Variants in PDE4D observed in about 807,000 individuals in gnomAD.
The protein encoded by PDE4D is 3',5'-cyclic-AMP phosphodiesterase 4D.
PDE4D carries 24 observed loss-of-function variants against 87.4 expected under a neutral mutation model. That is an observed-to-expected ratio of 0.27 (90% CI 0.20 to 0.39). The LOEUF (loss-of-function observed/expected upper bound fraction) is 0.39. Ranked by LOEUF, PDE4D falls within the 10% of genes least tolerant of loss-of-function variation. The pLI is 1.00. For synonymous variants in PDE4D, 384 were observed against 383.2 expected (o/e 1.00, Z -0.02); for missense variants, 714 against 1,041.0 (o/e 0.69, Z 4.32).
At chr5:59,120,185 A>G (rs989776220) in intron 5 of PDE4D, among the ~76,000 whole-genome samples, 2 of 152,204 alleles carry the variant, frequency 1.3e-5, no homozygotes, top group Non-Finnish European at 2.9e-5. Context: ...TTAAAAATGC[A>G]AATTGAAATC....
At chr5:59,696,348 TG>T (rs1751774975) in intron 1 of PDE4D, among the ~76,000 whole-genome samples, 1 of 152,204 alleles carries the variant, frequency 6.6e-6, no homozygotes, top group African/African-American at 2.4e-5. Context: ...CTACTATAAT[TG>T]GGCACTTATT....
At chr5:59,226,736 C>A (rs771148568) in intron 1 of PDE4D, among the ~76,000 whole-genome samples, 1 of 152,006 alleles carries the variant, frequency 6.6e-6, no homozygotes, top group African/African-American at 2.4e-5. Flanking sequence ...TGAGGCAAAG[C>A]CTGCAGTAGC....
intron 2 of PDE4D, among the ~76,000 whole-genome samples, chr5:60,023,554 C>G (rs1248425074): frequency 6.6e-6 from 1 of 152,150 alleles, no homozygotes; most frequent in Non-Finnish European, 1.5e-5. Flanking sequence ...ATCAATCACC[C>G]TGATGCTCCT....
intron 1 of PDE4D, among the ~76,000 whole-genome samples, chr5:60,482,874 A>G (rs1748842077): frequency 6.6e-6 from 1 of 152,200 alleles, no homozygotes; most frequent in African/African-American, 2.4e-5. Flanking sequence ...ATTAAATATC[A>G]TGTTTGTAGA....
At chr5:59,714,045 C>T (rs1754622088) in intron 1 of PDE4D, among the ~76,000 whole-genome samples, 1 of 152,080 alleles carries the variant, frequency 6.6e-6, no homozygotes, top group Non-Finnish European at 1.5e-5. Flanking sequence ...AGGCCTGGGT[C>T]CGTCATCTCA....
At chr5:59,302,846 C>T (rs970366619) in intron 1 of PDE4D, among the ~76,000 whole-genome samples, 1 of 152,126 alleles carries the variant, frequency 6.6e-6, no homozygotes, top group Non-Finnish European at 1.5e-5. Context: ...TATAAACATA[C>T]GTGTACAAGT....
intron 1 of PDE4D, among the ~76,000 whole-genome samples, chr5:59,869,710 C>T (rs1011037789): frequency 1.3e-5 from 2 of 152,094 alleles, no homozygotes; most frequent in African/African-American, 2.4e-5. Context: ...TAGTCCTTGA[C>T]CTCAATCAGC....
At chr5:59,392,939 G>A (rs985570451) in intron 1 of PDE4D, among the ~76,000 whole-genome samples, 2 of 152,094 alleles carry the variant, frequency 1.3e-5, no homozygotes, top group Non-Finnish European at 2.9e-5. Flanking sequence ...GAATGGATGA[G>A]GACCTATGTG....
At chr5:59,293,816 T>C (rs770496133) in intron 1 of PDE4D, among the ~76,000 whole-genome samples, 14 of 152,130 alleles carry the variant, frequency 9.2e-5, no homozygotes, top group Non-Finnish European at 1.8e-4. Context: ...CCTGACCCCA[T>C]GGGAGTCACA....
chr5:60,352,956 T>G (rs929515227), intron 1 of PDE4D, among the ~76,000 whole-genome samples: 1 of 152,210 alleles, frequency 6.6e-6, no homozygotes, highest in African/African-American at 2.4e-5. Context: ...TGTGTTCCAA[T>G]GGGATATTGA....
intron 1 of PDE4D, among the ~76,000 whole-genome samples, chr5:59,660,977 A>G (rs1165034144): frequency 1.3e-5 from 2 of 151,354 alleles, no homozygotes; most frequent in Non-Finnish European, 2.9e-5. Flanking sequence ...AGTCTATTTT[A>G]TGGCTAATGC....
At chr5:59,713,059 T>C (rs781584652) in intron 1 of PDE4D, among the ~76,000 whole-genome samples, 2 of 152,174 alleles carry the variant, frequency 1.3e-5, no homozygotes, top group Non-Finnish European at 2.9e-5. Flanking sequence ...TTTTAGGAAT[T>C]TGACAGCATT....
Position 60,059,227 on chromosome 5 carries a change from G to C in PDE4D, c.43-70510C>G, listed in dbSNP as rs189369993. On this transcript the variant is annotated intron_variant, in intron 2 of 16. Transcript: ENST00000502484. Reference sequence around the variant, plus strand: ...GCACCAGAGAACACTGTTGGCAGCTGTCTGTGATCTTTCCACTTCCCAGTT... The same window carrying C: ...GCACCAGAGAACACTGTTGGCAGCTCTCTGTGATCTTTCCACTTCCCAGTT... Among the ~76,000 whole-genome samples the C allele has an allele frequency of 1.3e-5, 2 of 152,086 alleles. 1 individual carries two copies. The highest frequency in any genetic ancestry group is 3.9e-4 in the East Asian group (2 of 5,166).
Position 58,974,875 on chromosome 5 carries a change from A to AAAGTT in PDE4D, c.2214_2218dup (p.Leu740Ter). On this transcript the variant is annotated stop_gained and frameshift_variant, in exon 15 of 15. Coordinates refer to ENST00000340635, the MANE Select transcript of PDE4D (RefSeq NM_001104631.2). LOFTEE classifies it high-confidence loss of function. ...CGTGTCTGACTCACCATCTTCCTCT[A>AAAGTT]AAGTTAGTTCAAACTGGAATTTCTC... The AAAGTT allele has an allele frequency of 6.2e-7, 1 of 1,612,540 alleles. No homozygotes were observed. The highest frequency in any genetic ancestry group is 8.5e-7 in the Non-Finnish European group (1 of 1,178,980).
intron 2 of PDE4D, among the ~76,000 whole-genome samples, chr5:60,147,357 C>A (rs1227903894): frequency 3.3e-5 from 5 of 150,300 alleles, no homozygotes. Context: ...CAATGGTGAC[C>A]AAGTGCTGGC....
At chr5:59,252,495 A>G (rs1157180716) in intron 1 of PDE4D, among the ~76,000 whole-genome samples, 1 of 151,964 alleles carries the variant, frequency 6.6e-6, no homozygotes, top group Non-Finnish European at 1.5e-5. Flanking sequence ...ATAACTGAAT[A>G]ATGACTGAAT....
At chr5:59,407,450 T>C (rs1015720613) in intron 1 of PDE4D, among the ~76,000 whole-genome samples, 6 of 152,176 alleles carry the variant, frequency 3.9e-5, no homozygotes, top group African/African-American at 1.4e-4. Flanking sequence ...CAGCCTAATA[T>C]AGAAGACTGG....
At chr5:59,390,253 GCT>G (rs374971834) in intron 1 of PDE4D, among the ~76,000 whole-genome samples, 1 of 152,036 alleles carries the variant, frequency 6.6e-6, no homozygotes, top group African/African-American at 2.4e-5. Context: ...ACAAGATGGC[GCT>G]CTCTAATTTT....
At chr5:59,384,332 T>C (rs1322064369) in intron 1 of PDE4D, among the ~76,000 whole-genome samples, 1 of 152,198 alleles carries the variant, frequency 6.6e-6, no homozygotes, top group Non-Finnish European at 1.5e-5. Flanking sequence ...CTCTTGTAGT[T>C]GAATGGAGCC....
Sources: gnomAD v4.1 joint callset for allele counts (sites outside exome capture counted in the v4.1 genomes callset) on GRCh38, gnomAD v4.1.1 for gene constraint, MANE v1.5 for transcripts, NCBI Gene and HGNC (gene_info 2026-07-23, HGNC 2026-07-21) for gene names.